CADM2: variants seen among roughly 807,000 people sequenced by gnomAD.
CADM2 encodes the protein cell adhesion molecule 2.
CADM2 carries 12 observed loss-of-function variants against 49.8 expected under a neutral mutation model. The ratio of observed to expected loss-of-function variants is 0.24; its 90% CI spans 0.15 to 0.39. The LOEUF is 0.39. CADM2 is among the 10% of genes least tolerant of loss of function. CADM2 has a pLI of 1.00. For missense variants in CADM2, 378 were observed against 492.3 expected (o/e 0.77, Z 2.20); for synonymous variants, 214 against 175.4 (o/e 1.22, Z -1.74).
chr3:85,607,916 A>G (rs1488625720), intron 1 of CADM2, among the ~76,000 whole-genome samples: 1 of 151,984 alleles, frequency 6.6e-6, no homozygotes. Flanking sequence ...TGACCTCCCA[A>G]AGTGCTGGGA....
chr3:85,650,009 C>T (rs992241373), intron 1 of CADM2, among the ~76,000 whole-genome samples: 4 of 152,174 alleles, frequency 2.6e-5, no homozygotes, highest in African/African-American at 9.7e-5. Flanking sequence ...CATTTCTCCT[C>T]ATCTTTCTCT....
intron 3 of CADM2, among the ~76,000 whole-genome samples, chr3:85,879,577 C>T (rs1329089288): frequency 6.6e-6 from 1 of 152,094 alleles, no homozygotes; most frequent in Non-Finnish European, 1.5e-5. Context: ...TGGGATCACC[C>T]TCTTGTGTAG....
chr3:85,996,405 C>G (rs1024229385), intron 8 of CADM2, among the ~76,000 whole-genome samples: 2 of 146,362 alleles, frequency 1.4e-5, no homozygotes, highest in Non-Finnish European at 3.0e-5. Context: ...TCAAGTGATT[C>G]TCCTGCCTTA....
intron 1 of CADM2, among the ~76,000 whole-genome samples, chr3:85,353,495 T>C (rs935022481): frequency 2.6e-5 from 4 of 151,992 alleles, no homozygotes; most frequent in African/African-American, 9.7e-5. Flanking sequence ...TATGATTGCT[T>C]TGTATTAATT....
chr3:85,641,843 A>G (rs1011005740), intron 1 of CADM2, among the ~76,000 whole-genome samples: 1 of 151,962 alleles, frequency 6.6e-6, no homozygotes, highest in Non-Finnish European at 1.5e-5. Context: ...AGGCAGAAGA[A>G]TGGCGTGAAC....
intron 1 of CADM2, among the ~76,000 whole-genome samples, chr3:85,546,276 C>T (rs184939780): frequency 6.6e-6 from 1 of 152,310 alleles, no homozygotes; most frequent in African/African-American, 2.4e-5. Flanking sequence ...GGCAATTAAT[C>T]ACCTGCGGTG....
At chr3:85,409,549 A>G (rs1250934581) in intron 1 of CADM2, among the ~76,000 whole-genome samples, 1 of 152,108 alleles carries the variant, frequency 6.6e-6, no homozygotes, top group Non-Finnish European at 1.5e-5. Flanking sequence ...TTATATTGCC[A>G]CAGATAATGA....
At chr3:85,061,969 G>A (rs2036336660) in intron 1 of CADM2, among the ~76,000 whole-genome samples, 1 of 151,338 alleles carries the variant, frequency 6.6e-6, no homozygotes, top group African/African-American at 2.4e-5. Flanking sequence ...AGAAATATCA[G>A]TATCAGTGGA....
chr3:85,280,963 C>T (rs1041275114), intron 1 of CADM2, among the ~76,000 whole-genome samples: 9 of 151,510 alleles, frequency 5.9e-5, no homozygotes, highest in South Asian at 2.1e-4. Context: ...GAAAATGATA[C>T]GTGACACAAA....
At chr3:85,048,017 A>G (rs1435085014) in intron 1 of CADM2, among the ~76,000 whole-genome samples, 1 of 152,124 alleles carries the variant, frequency 6.6e-6, no homozygotes, top group Non-Finnish European at 1.5e-5. Context: ...TGGATCCATA[A>G]TATGCTCAGC....
intron 1 of CADM2, among the ~76,000 whole-genome samples, chr3:85,408,010 C>CAAAAAAAAAAAAAAAAAAAAAACAAA (rs372349246): frequency 3.6e-5 from 2 of 56,180 alleles, no homozygotes; most frequent in East Asian, 7.4e-4. Flanking sequence ...AAAACAAAAC[C>CAAAAAAAAAAAAAAAAAAAAAACAAA]AAAAAAAAAA....
intron 6 of CADM2, among the ~76,000 whole-genome samples, chr3:85,916,787 A>G (rs1718393902): frequency 6.6e-6 from 1 of 152,132 alleles, no homozygotes; most frequent in African/African-American, 2.4e-5. Context: ...CAGTCCCACC[A>G]ACAGTGTAAA....
chr3:85,959,146 A>C (rs913047647), intron 7 of CADM2, among the ~76,000 whole-genome samples: 46 of 71,976 alleles, frequency 6.4e-4, no homozygotes, highest in African/African-American at 3.1e-3. Flanking sequence ...ATCTTTATCT[A>C]TCTATCTCTC....
At chr3:85,510,055 A>G (rs974759943) in intron 1 of CADM2, among the ~76,000 whole-genome samples, 1 of 152,052 alleles carries the variant, frequency 6.6e-6, no homozygotes, top group Non-Finnish European at 1.5e-5. Flanking sequence ...AGATGATCTC[A>G]AATATGTATA....
At chr3:85,369,766 CTAGA>C (rs1211957214) in intron 1 of CADM2, among the ~76,000 whole-genome samples, 2 of 152,088 alleles carry the variant, frequency 1.3e-5, no homozygotes, top group Non-Finnish European at 2.9e-5. Context: ...AGAAAAGTGC[CTAGA>C]TAATCTGCTG....
chr3:85,739,745 C>T (rs1328343012), intron 2 of CADM2, among the ~76,000 whole-genome samples: 1 of 151,986 alleles, frequency 6.6e-6, no homozygotes, highest in Non-Finnish European at 1.5e-5. Context: ...TAAAATTTAA[C>T]CATCTAAATA....
In CADM2 at chr3:85,834,755, C is replaced by T. The variant is rs545402925; in HGVS notation, c.238+32559C>T. On this transcript the variant is annotated intron_variant, in intron 3 of 9. Transcript: ENST00000383699. ...CTTCTTGGGGAAAAAAAAAAAAACA[C>T]GTTGGCCTTGGGTGCATAGTAATAG... Among the ~76,000 whole-genome samples, 5 of 148,946 alleles carry T rather than the reference C, an allele frequency of 3.4e-5. No homozygotes were observed. The South Asian group carries it at 6.3e-4, about 19-fold the overall frequency.
chr3:85,651,459 G>A (rs1248424448), intron 1 of CADM2, among the ~76,000 whole-genome samples: 2 of 151,818 alleles, frequency 1.3e-5, no homozygotes, highest in African/African-American at 2.4e-5. Context: ...ATGAAGACAT[G>A]GTCAGTTAAC....
At chr3:85,644,914 A>G (rs1330845475) in intron 1 of CADM2, among the ~76,000 whole-genome samples, 3 of 152,150 alleles carry the variant, frequency 2.0e-5, no homozygotes, top group South Asian at 2.1e-4. Flanking sequence ...TGTCATTTAT[A>G]TATCCAGAAA....
Sources: allele counts gnomAD v4.1 joint callset (sites outside exome capture counted in the v4.1 genomes callset), GRCh38; gene constraint gnomAD v4.1.1; transcripts MANE v1.5; gene names NCBI Gene and HGNC (gene_info 2026-07-23, HGNC 2026-07-21).